Variants in GRIK4 observed in about 807,000 individuals in gnomAD.
GRIK4 encodes the protein glutamate receptor ionotropic, kainate 4.
A neutral mutation model predicts 104.9 loss-of-function variants in GRIK4; 40 were observed. That is an observed-to-expected ratio of 0.38 (90% CI 0.30 to 0.50). GRIK4 has a LOEUF of 0.50. Ranked by LOEUF, GRIK4 falls within the 20% of genes least tolerant of loss-of-function variation. The pLI is 0.93. For synonymous variants in GRIK4, 485 were observed against 524.9 expected (o/e 0.92, Z 1.04); for missense variants, 1,047 against 1,308.1 (o/e 0.80, Z 3.08).
chr11:120,735,978 G>A (rs1474405147), intron 3 of GRIK4, among the ~76,000 whole-genome samples: 1 of 152,124 alleles, frequency 6.6e-6, no homozygotes, highest in Admixed American at 6.5e-5. Context: ...CTGTCCAAGA[G>A]CCTAGGCCTG....
chr11:120,599,375 C>T (rs1168687153), intron 1 of GRIK4, among the ~76,000 whole-genome samples: 1 of 152,164 alleles, frequency 6.6e-6, no homozygotes, highest in African/African-American at 2.4e-5. Flanking sequence ...CTTGAGGCTC[C>T]AGGGATGGAG....
At chr11:120,971,917 A>G (rs1041715426) in intron 19 of GRIK4, among the ~76,000 whole-genome samples, 23 of 152,334 alleles carry the variant, frequency 1.5e-4, no homozygotes, top group African/African-American at 5.5e-4. Context: ...ACTGCAACCA[A>G]TCTGTCTCAC....
At chr11:120,814,357 C>T (rs1028151741) in intron 4 of GRIK4, among the ~76,000 whole-genome samples, 65 of 152,140 alleles carry the variant, frequency 4.3e-4, no homozygotes, top group African/African-American at 1.2e-3. Context: ...CCCAGCACTT[C>T]GGGAGGCCAA....
chr11:120,524,325 C>CACG lies in GRIK4; in HGVS notation c.-159+12438_-159+12439insACG. On this transcript the variant is annotated intron_variant, in intron 1 of 20. Transcript: ENST00000527524. This position sits in a 1 kb window ranked among gnomAD's most constrained non-coding sequence, Gnocchi z 4.5. ...TGGTGAGCCGCTTGTCTGCAGAGGCCCTGGACTCTGGAGCCCTAGACTAGC... is the reference window on the plus strand; with the variant it reads ...TGGTGAGCCGCTTGTCTGCAGAGGCCACGCTGGACTCTGGAGCCCTAGACTAGC... Among the ~76,000 whole-genome samples, 1 of 152,254 alleles carries CACG rather than the reference C, an allele frequency of 6.6e-6. No homozygotes were observed. The highest frequency in any genetic ancestry group is 2.1e-4 in the South Asian group (1 of 4,816).
At chr11:120,597,999 C>A (rs1333798731) in intron 1 of GRIK4, among the ~76,000 whole-genome samples, 1 of 152,134 alleles carries the variant, frequency 6.6e-6, no homozygotes, top group Non-Finnish European at 1.5e-5. Context: ...ACGTCTCTTT[C>A]CTCAGAGAGA....
chr11:120,785,741 T>C (rs972149194), intron 3 of GRIK4, among the ~76,000 whole-genome samples: 8 of 152,174 alleles, frequency 5.3e-5, no homozygotes, highest in African/African-American at 1.9e-4. Context: ...TACACAGCAG[T>C]CCCGTGACAC....
intron 5 of GRIK4, among the ~76,000 whole-genome samples, chr11:120,817,024 A>C (rs1237168429): frequency 6.6e-6 from 1 of 152,168 alleles, no homozygotes; most frequent in African/African-American, 2.4e-5. Flanking sequence ...TCTGAGAAAC[A>C]GCTTAAATCT....
intron 3 of GRIK4, among the ~76,000 whole-genome samples, chr11:120,757,689 T>C (rs1194578647): frequency 6.6e-6 from 1 of 152,138 alleles, no homozygotes; most frequent in Non-Finnish European, 1.5e-5. Context: ...GTTTGCCGAA[T>C]TGGGCATGGA....
At chr11:120,578,776 C>T (rs1443701152) in intron 1 of GRIK4, among the ~76,000 whole-genome samples, 2 of 152,220 alleles carry the variant, frequency 1.3e-5, no homozygotes, top group Non-Finnish European at 2.9e-5. Context: ...CCCCGCCCGG[C>T]CCCTGGTTTC....
rs1351311478 is a variant in GRIK4, at chr11:120,511,865, C to G, written c.-181C>G. On this transcript the variant is annotated 5_prime_UTR_variant, in exon 1 of 21. Transcript: ENST00000527524. ...GGCAGCGCCCGGCCCCCGGCTCAGCCCCCGGAGTGCGGAGCCGACCAGGTA... is the reference window on the plus strand; with the variant it reads ...GGCAGCGCCCGGCCCCCGGCTCAGCGCCCGGAGTGCGGAGCCGACCAGGTA... 1.2e-5 allele frequency: 4 copies of G among 334,976 alleles called. No homozygotes were observed. The highest frequency in any genetic ancestry group is 8.2e-5 in the South Asian group (4 of 49,058). The allele number at this position is 334,976 out of a possible 1,614,324, so 20.8% of individuals were successfully genotyped here.
intron 1 of GRIK4, among the ~76,000 whole-genome samples, chr11:120,612,710 C>T (rs1949052547): frequency 6.6e-6 from 1 of 152,228 alleles, no homozygotes; most frequent in Non-Finnish European, 1.5e-5. Flanking sequence ...TTAGACTTGA[C>T]ACTAGAAGTT....
chr11:120,982,184 T>G lies in GRIK4; in HGVS notation c.2474T>G (p.Leu825Trp), dbSNP rs1329851751. ...ATCGTGGCCATTTTTATGGCTATGT[T>G]GGAGTTTTTATGGACTCTCAGACAC... The part of the protein sequence containing the change: ...GLIVAIFMAM[L>W]EFLWTLRHSE... The change falls in exon 20 of 21, where the codon TTG becomes TGG. Residue 825 changes from leucine to tryptophan, a missense_variant. By Grantham distance (61) the Leu-to-Trp change is moderately conservative. Coordinates refer to ENST00000527524, the MANE Select transcript of GRIK4 (RefSeq NM_014619.5). 3.7e-6 allele frequency: 6 copies of G among 1,612,580 alleles called. No homozygotes were observed. Among genetic ancestry groups the G allele is most frequent in the Non-Finnish European group, 5.1e-6 (6 of 1,178,552 alleles).
Position 120,953,233 on chromosome 11 carries a change from T to C in GRIK4, c.1700+269T>C, listed in dbSNP as rs1293771598. On this transcript the variant is annotated intron_variant, in intron 15 of 20. Transcript: ENST00000527524. The surrounding 1 kb of genome is among the most constrained non-coding windows in gnomAD (Gnocchi z 4.9). ...CCTCTGCCTCCTGTCCCCTCCCACTTCTCCCCAGACCCCCACCTAAGCCCC... is the reference window on the plus strand; with the variant it reads ...CCTCTGCCTCCTGTCCCCTCCCACTCCTCCCCAGACCCCCACCTAAGCCCC... Among the ~76,000 whole-genome samples the C allele has an allele frequency of 6.6e-6, 1 of 151,696 alleles. No homozygotes were observed. The highest frequency in any genetic ancestry group is 6.6e-5 in the Admixed American group (1 of 15,230).
intron 3 of GRIK4, among the ~76,000 whole-genome samples, chr11:120,728,237 G>A (rs1276347232): frequency 1.3e-5 from 2 of 152,126 alleles, no homozygotes; most frequent in African/African-American, 4.8e-5. Context: ...ACAGTCATAT[G>A]TTATGAGAGA....
chr11:120,607,246 C>T (rs1948973948), intron 1 of GRIK4, among the ~76,000 whole-genome samples: 1 of 152,162 alleles, frequency 6.6e-6, no homozygotes, highest in African/African-American at 2.4e-5. Context: ...GCTGGGTTTC[C>T]CCAAAAGTAC....
At chr11:120,554,838 C>A (rs757527049) in intron 1 of GRIK4, among the ~76,000 whole-genome samples, 1 of 152,170 alleles carries the variant, frequency 6.6e-6, no homozygotes, top group Non-Finnish European at 1.5e-5. Context: ...GGATTACAGG[C>A]GTGAGCCACC....
At chr11:120,574,123 C>T (rs986755620) in intron 1 of GRIK4, among the ~76,000 whole-genome samples, 2 of 152,184 alleles carry the variant, frequency 1.3e-5, no homozygotes, top group Non-Finnish European at 2.9e-5. Context: ...CCATGAGCTC[C>T]TTAATAGCAA....
chr11:120,620,212 ACATACATGGCAT>A, intron 1 of GRIK4: 1 of 786,912 alleles, frequency 1.3e-6, no homozygotes, highest in South Asian at 1.4e-5. Flanking sequence ...TATCAATTTG[ACATACATGGCAT>A]CAGGGCCTTC....
At chr11:120,667,737 T>C (rs1949940873) in intron 3 of GRIK4, among the ~76,000 whole-genome samples, 1 of 152,200 alleles carries the variant, frequency 6.6e-6, no homozygotes, top group Non-Finnish European at 1.5e-5. Flanking sequence ...CGAGGCCCAT[T>C]AAACCCACAC....
Sources: allele counts gnomAD v4.1 joint callset (sites outside exome capture counted in the v4.1 genomes callset), GRCh38; gene constraint gnomAD v4.1.1; non-coding constraint Gnocchi (gnomAD v3.1); transcripts MANE v1.5; gene names NCBI Gene and HGNC (gene_info 2026-07-23, HGNC 2026-07-21).